Variants in AMER1 observed in about 807,000 individuals in gnomAD.
AMER1 encodes RP11-403E24.2.
In AMER1, 16 loss-of-function variants were observed where a neutral mutation model predicts 53.0. That is an observed-to-expected ratio of 0.30 (90% confidence interval 0.20 to 0.46). The LOEUF (loss-of-function observed/expected upper bound fraction) is 0.46. Among genes scored for constraint, AMER1 ranks in the 20% least tolerant of loss-of-function variants. The pLI is 1.00. For synonymous variants in AMER1, 354 were observed against 331.9 expected (o/e 1.07, Z -0.73); for missense variants, 947 against 884.9 (o/e 1.07, Z -0.89).
Position 64,191,383 on chromosome X carries a change from C to A in AMER1, c.1904G>T (p.Cys635Phe). 1.7e-6 allele frequency: 2 copies of A among 1,211,821 alleles called. No individual in the cohort carries two copies. Among genetic ancestry groups the A allele is most frequent in the African/African-American group, 1.7e-5 (1 of 57,861 alleles). Residue 635 changes from cysteine (C) to phenylalanine (F), a missense_variant, in exon 2 of 2, where the codon TGT (cysteine) becomes TTT (phenylalanine). By Grantham distance (205) the Cys-to-Phe change is radical. Coordinates refer to ENST00000374869, the MANE Select transcript of AMER1 (RefSeq NM_152424.4). ...TREAQAREVR[C>F]RETQVRETQA... ...GGTCTCTCGGACTTGAGTCTCTCTA[C>A]AACGAACCTCTCGGGCCTGGGCTTC...
rs1930151486 is a variant in AMER1 at position 64,188,408 on chromosome X, G to A, written c.*1471C>T. 4 of 804,991 alleles carry A rather than the reference G, an allele frequency of 5.0e-6. No homozygotes were observed. The South Asian group carries it at 2.6e-4, about 53-fold the overall frequency. The allele number at this position is 804,991 out of a possible 1,213,427, so 66.3% of individuals were successfully genotyped here. A position where few individuals can be genotyped will look rare whatever the true frequency, so the allele number is the denominator to read the frequency against. On this transcript the variant is annotated 3_prime_UTR_variant, in exon 2 of 2. Transcript: ENST00000374869. ...CCTGACAGCAAGCTCTTCCCCACCA[G>A]TATTTCCAACCTAGTTTAACATGAA...
In AMER1 at chrX:64,188,772, C is replaced by G; in HGVS notation, c.*1107G>C. 3 of 803,633 alleles carry G rather than the reference C, an allele frequency of 3.7e-6. No individual in the cohort carries two copies. Among genetic ancestry groups the G allele is most frequent in the East Asian group, 7.1e-5 (1 of 14,114 alleles). 66.2% of individuals were successfully genotyped at this position (803,633 alleles called of 1,213,427 possible). A position where few individuals can be genotyped will look rare whatever the true frequency, so the allele number is the denominator to read the frequency against. On this transcript the variant is annotated 3_prime_UTR_variant, in exon 2 of 2. Transcript: ENST00000374869. Reference sequence around the variant, plus strand: ...TTCTTGCTGGCTGTGATAAATGGACCCTCATTTTCTATCTTTCCCCTACAC... The same window carrying G: ...TTCTTGCTGGCTGTGATAAATGGACGCTCATTTTCTATCTTTCCCCTACAC...
rs373846183 is a variant in AMER1, at chrX:64,191,256, G to C, written c.2031C>G (p.Ser677=). Residue 677 remains serine (S), a synonymous_variant, in exon 2 of 2, where the codon TCC becomes TCG. Coordinates refer to ENST00000374869, the MANE Select transcript of AMER1 (RefSeq NM_152424.4). ...GGAAAGCTGAGGTAATTCCCCGGTG[G>C]GAAATCTGAGAGGTCCCTGATACCC... The part of the protein sequence containing the change: ...AAGVSGTSQI[S]HRGITSAFPT... The C allele has an allele frequency of 8.3e-7, 1 of 1,211,697 alleles. No individual in the cohort carries two copies. Among genetic ancestry groups the C allele is most frequent in the East Asian group, 3.0e-5 (1 of 33,805 alleles).
chrX:64,202,841 CA>C (rs1174433920), intron 1 of AMER1, among the ~76,000 whole-genome samples: 3 of 111,792 alleles, frequency 2.7e-5, no homozygotes, highest in Non-Finnish European at 5.6e-5. Context: ...AACTCCCTGT[CA>C]ATTCCCTACT....
Position 64,189,793 on chromosome X carries a change from A to ACGGGGGGCCCCCCCCCCCCCCCCCCCC in AMER1, c.*85_*86insGGGGGGGGGGGGGGGGGGGGCCCCCCG. The ACGGGGGGCCCCCCCCCCCCCCCCCCCC allele has an allele frequency of 3.4e-6, 1 of 292,073 alleles. No homozygotes were observed. The highest frequency in any genetic ancestry group is 4.9e-6 in the Non-Finnish European group (1 of 204,831). The allele number at this position is 292,073 out of a possible 1,213,427, so 24.1% of individuals were successfully genotyped here. ...CAAAGGGTTTTCAAGTTAAACAACAACCCCCACCCCCCCACCCTTCTGCCC... is the reference window on the plus strand; with the variant it reads ...CAAAGGGTTTTCAAGTTAAACAACAACGGGGGGCCCCCCCCCCCCCCCCCCCCCCCCCACCCCCCCACCCTTCTGCCC... On this transcript the variant is annotated 3_prime_UTR_variant, in exon 2 of 2. Coordinates refer to ENST00000374869, the MANE Select transcript of AMER1 (RefSeq NM_152424.4).
intron 1 of AMER1, among the ~76,000 whole-genome samples, chrX:64,201,167 T>A (rs1334392523): frequency 9.0e-6 from 1 of 111,176 alleles, no homozygotes; most frequent in African/African-American, 3.3e-5. Flanking sequence ...TATTTTCCCC[T>A]AATTCCAAAA....
At position 64,189,793 on chromosome X, in the gene AMER1, A is replaced by ACCGGCG; in HGVS notation, c.*85_*86insCGCCGG. ...CAAAGGGTTTTCAAGTTAAACAACA[A>ACCGGCG]CCCCCACCCCCCCACCCTTCTGCCC... On this transcript the variant is annotated 3_prime_UTR_variant, in exon 2 of 2. Coordinates refer to ENST00000374869, the MANE Select transcript of AMER1 (RefSeq NM_152424.4). 1 of 292,070 alleles carries ACCGGCG rather than the reference A, an allele frequency of 3.4e-6. No homozygotes were observed. The highest frequency in any genetic ancestry group is 4.1e-5 in the African/African-American group (1 of 24,575). 24.1% of individuals were successfully genotyped at this position (292,070 alleles called of 1,213,427 possible).
In AMER1 at chrX:64,191,645, A is replaced by C. The variant is rs199759487; in HGVS notation, c.1642T>G (p.Ser548Ala). Residue 548 changes from serine (S) to alanine (A), a missense_variant, in exon 2 of 2, where the codon TCC becomes GCC. By Grantham distance (99) the Ser-to-Ala change is moderately conservative (BLOSUM62 1). Transcript: ENST00000374869. ...PFLNFEPFLS[S>A]RPPGAMETEE... is the part of the protein sequence containing the mutation. ...GTCTCCATTGCCCCAGGTGGCCGGG[A>C]GGACAAAAAGGGCTCAAAGTTTAAG... The C allele has an allele frequency of 1.7e-6, 2 of 1,210,797 alleles. No homozygotes were observed. Among genetic ancestry groups the C allele is most frequent in the African/African-American group, 3.5e-5 (2 of 57,460 alleles).
In AMER1 at chrX:64,191,022, C is replaced by T. The variant is rs776663048; in HGVS notation, c.2265G>A (p.Glu755=). 8.3e-7 allele frequency: 1 copy of T among 1,212,008 alleles called. No individual in the cohort carries two copies. The highest frequency in any genetic ancestry group is 3.0e-5 in the East Asian group (1 of 33,816). The stretch of plus-strand genomic sequence containing the variant: ...TCCCTTCCTTCTCAACCTCCTCTTC[C>T]TCTGGATCTTCAGGGGGTGAATAAG... ...YPTYSPPEDP[E]EEEVEKEGNA... is the part of the protein sequence containing the mutation. The change falls in exon 2 of 2, where the codon GAG becomes GAA. Residue 755 remains glutamate (E), a synonymous_variant. Coordinates refer to ENST00000374869, the MANE Select transcript of AMER1 (RefSeq NM_152424.4).
chrX:64,186,063 G>A lies in AMER1; in HGVS notation c.*3816C>T. On this transcript the variant is annotated 3_prime_UTR_variant, in exon 2 of 2. Coordinates refer to ENST00000374869, the MANE Select transcript of AMER1 (RefSeq NM_152424.4). ...TCTCAGAGGGTCTAGACATGGGGAA[G>A]AAGGGTTCAAAAGAAAGAAAAACAT... The A allele has an allele frequency of 9.0e-7, 1 of 1,105,840 alleles. No homozygotes were observed. The highest frequency in any genetic ancestry group is 1.2e-6 in the Non-Finnish European group (1 of 801,940). 91.1% of individuals were successfully genotyped at this position (1,105,840 alleles called of 1,213,427 possible).
chrX:64,189,793 A>ACCGGGGCCCCCCCCCC lies in AMER1; in HGVS notation c.*85_*86insGGGGGGGGGGCCCCGG. On this transcript the variant is annotated 3_prime_UTR_variant, in exon 2 of 2. Transcript: ENST00000374869. ...CAAAGGGTTTTCAAGTTAAACAACA[A>ACCGGGGCCCCCCCCCC]CCCCCACCCCCCCACCCTTCTGCCC... 6.8e-6 allele frequency: 2 copies of ACCGGGGCCCCCCCCCC among 292,072 alleles called. No individual in the cohort carries two copies. The highest frequency in any genetic ancestry group is 4.1e-5 in the African/African-American group (1 of 24,575). 24.1% of individuals were successfully genotyped at this position (292,072 alleles called of 1,213,427 possible).
Position 64,190,357 on chromosome X carries a change from G to A in AMER1, c.2930C>T (p.Pro977Leu), listed in dbSNP as rs2147084963. 8.3e-7 allele frequency: 1 copy of A among 1,211,638 alleles called. No individual in the cohort carries two copies. Among genetic ancestry groups the A allele is most frequent in the Non-Finnish European group, 1.1e-6 (1 of 895,357 alleles). Residue 977 changes from proline (P) to leucine (L), a missense_variant, in exon 2 of 2, where the codon CCC becomes CTC. By Grantham distance (98) the Pro-to-Leu change is moderately conservative (BLOSUM62 -3). Transcript: ENST00000374869. ...GCTGGAAGGCCTGTCCAACTGGTTG[G>A]GGCTTATCCAGGCAGGACCTGGCCC... ...PVGPGPAWIS[P>L]NQLDRPSSQS...
At position 64,189,464 on chromosome X, in the gene AMER1, TTGTGTGTGTGTGTGTATGTATGTGTG is replaced by T; in HGVS notation, c.*389_*414del. The T allele has an allele frequency of 1.4e-6, 1 of 706,293 alleles. No homozygotes were observed. The highest frequency in any genetic ancestry group is 1.6e-6 in the Non-Finnish European group (1 of 612,930). The allele number at this position is 706,293 out of a possible 1,213,427, so 58.2% of individuals were successfully genotyped here. On this transcript the variant is annotated 3_prime_UTR_variant, in exon 2 of 2. Coordinates refer to ENST00000374869, the MANE Select transcript of AMER1 (RefSeq NM_152424.4). ...GCTATATATGTGTGTGCATGTGTGT[TTGTGTGTGTGTGTGTATGTATGTGTG>T]TGTGTGTGTGTGTGTGTGTGTGTGT...
chrX:64,194,880 C>T (rs1031028718), intron 1 of AMER1, among the ~76,000 whole-genome samples: 2 of 111,565 alleles, frequency 1.8e-5, no homozygotes, highest in Non-Finnish European at 3.8e-5. Flanking sequence ...TGCCTGCTGC[C>T]TTGCTTGGCT....
In AMER1 at chrX:64,186,457, A is replaced by G. The variant is rs1205837635; in HGVS notation, c.*3422T>C. ...TATATATATATATATATTAAAAACA[A>G]CTTGAATGCAACATACACATGGGTA... On this transcript the variant is annotated 3_prime_UTR_variant, in exon 2 of 2. Transcript: ENST00000374869. 1.8e-5 allele frequency: 14 copies of G among 767,852 alleles called. No homozygotes were observed. Among genetic ancestry groups the G allele is most frequent in the Non-Finnish European group, 2.2e-5 (14 of 640,828 alleles). 63.3% of individuals were successfully genotyped at this position (767,852 alleles called of 1,213,427 possible).
chrX:64,201,845 G>A (rs1262977475), intron 1 of AMER1, among the ~76,000 whole-genome samples: 5 of 111,632 alleles, frequency 4.5e-5, no homozygotes, highest in Admixed American at 9.4e-5. Context: ...AGGAAATTTC[G>A]TGTTTCTTTG....
rs775793027 is a variant in AMER1 at position 64,188,971 on chromosome X, GA to G, written c.*907del. On this transcript the variant is annotated 3_prime_UTR_variant, in exon 2 of 2. Coordinates refer to ENST00000374869, the MANE Select transcript of AMER1 (RefSeq NM_152424.4). ...CAGGTAGTCACAAGCTTAAAAGAAGGAAAAAAAATCCTATCATTCCGGAGCT... is the reference window on the plus strand; with the variant it reads ...CAGGTAGTCACAAGCTTAAAAGAAGGAAAAAAATCCTATCATTCCGGAGCT... 6 of 804,993 alleles carry G rather than the reference GA, an allele frequency of 7.5e-6. No individual in the cohort carries two copies. Among genetic ancestry groups the G allele is most frequent in the Non-Finnish European group, 7.4e-6 (5 of 671,464 alleles). The allele number at this position is 804,993 out of a possible 1,213,427, so 66.3% of individuals were successfully genotyped here.
At position 64,187,081 on chromosome X, in the gene AMER1, G is replaced by A; in HGVS notation, c.*2798C>T. ...ATGATATCAACAGTTTTAGTGGTCTGGGGTGTATTTGCTGCCACCCAAGCC... is the reference window on the plus strand; with the variant it reads ...ATGATATCAACAGTTTTAGTGGTCTAGGGTGTATTTGCTGCCACCCAAGCC... On this transcript the variant is annotated 3_prime_UTR_variant, in exon 2 of 2. Coordinates refer to ENST00000374869, the MANE Select transcript of AMER1 (RefSeq NM_152424.4). 1.3e-6 allele frequency: 1 copy of A among 783,592 alleles called. No individual in the cohort carries two copies. The highest frequency in any genetic ancestry group is 2.2e-5 in the African/African-American group (1 of 44,901). The allele number at this position is 783,592 out of a possible 1,213,427, so 64.6% of individuals were successfully genotyped here.
rs1343769133 is a variant in AMER1, at chrX:64,186,792, G to A, written c.*3087C>T. 2.5e-5 allele frequency: 19 copies of A among 772,637 alleles called. No homozygotes were observed. Among genetic ancestry groups the A allele is most frequent in the Non-Finnish European group, 2.9e-5 (19 of 650,668 alleles). The allele number at this position is 772,637 out of a possible 1,213,427, so 63.7% of individuals were successfully genotyped here. A position where few individuals can be genotyped will look rare whatever the true frequency, so the allele number is the denominator to read the frequency against. On this transcript the variant is annotated 3_prime_UTR_variant, in exon 2 of 2. Coordinates refer to ENST00000374869, the MANE Select transcript of AMER1 (RefSeq NM_152424.4). ...GCAGTGCTTCCTTGGAGACTCTAAA[G>A]CACCAAGAAACTGGCATCCTGGCCC...
Sources: allele counts gnomAD v4.1 joint callset (sites outside exome capture counted in the v4.1 genomes callset), GRCh38; gene constraint gnomAD v4.1.1; transcripts MANE v1.5; gene names NCBI Gene and HGNC (gene_info 2026-07-23, HGNC 2026-07-21).